The following LRRC57 variants were observed in gnomAD, a reference collection of about 807,000 sequenced individuals.
LRRC57 encodes the protein leucine-rich repeat-containing protein 57.
LRRC57 carries 14 observed loss-of-function variants against 23.1 expected under a neutral mutation model. The observed-to-expected ratio is 0.61, with a 90% CI of 0.40 to 0.95. The LOEUF (loss-of-function observed/expected upper bound fraction) is 0.95. Among genes scored for constraint, LRRC57 ranks in the 40% least tolerant of loss-of-function variants. The pLI is 0.00. For synonymous variants in LRRC57, 106 were observed against 115.2 expected (o/e 0.92, Z 0.51); for missense variants, 236 against 284.4 (o/e 0.83, Z 1.22).
chr15:42,544,623 G>C (rs1299832581), intron 5 of LRRC57, among the ~76,000 whole-genome samples: 1 of 151,886 alleles, frequency 6.6e-6, no homozygotes, highest in Non-Finnish European at 1.5e-5. Context: ...AGGAGTTTGA[G>C]ACCAGCTTGG....
downstream of LRRC57, among the ~76,000 whole-genome samples, chr15:42,537,598 T>C (rs978541264): frequency 1.1e-4 from 16 of 152,212 alleles, no homozygotes; most frequent in Admixed American, 8.5e-4. Context: ...CCCATGGTTA[T>C]TGCAGCACTA....
intron 4 of LRRC57, among the ~76,000 whole-genome samples, chr15:42,545,653 T>G (rs1595539526): frequency 6.6e-6 from 1 of 152,186 alleles, no homozygotes; most frequent in South Asian, 2.1e-4. Context: ...TATGTGTACA[T>G]AGATACTGAC....
intron 5 of LRRC57, among the ~76,000 whole-genome samples, chr15:42,544,841 A>AAT (rs767685010): frequency 1.6e-4 from 17 of 106,642 alleles, no homozygotes; most frequent in African/African-American, 8.2e-4. Flanking sequence ...ACACACACAC[A>AAT]CTATATATAT....
chr15:42,539,477 C>CAAAAAAAAAAAAAAAAAAAAA lies in LRRC57; in HGVS notation c.*4585_*4605dup, dbSNP rs1164646488. 1 of 43,662 alleles carries CAAAAAAAAAAAAAAAAAAAAA rather than the reference C, an allele frequency of 2.3e-5. No individual in the cohort carries two copies. The allele number at this position is 43,662 out of a possible 1,614,324, so 2.7% of individuals were successfully genotyped here. ...TGGGCGAAACAGACAGCCTCTGTCTCAAAAAAAAAAAAAAAAAAAAAGAGA... is the reference window on the plus strand; with the variant it reads ...TGGGCGAAACAGACAGCCTCTGTCTCAAAAAAAAAAAAAAAAAAAAAAAAAAAAAAAAAAAAAAAAAAGAGA... On this transcript the variant is annotated 3_prime_UTR_variant, in exon 6 of 6. Coordinates refer to ENST00000397130, the MANE Select transcript of LRRC57 (RefSeq NM_153260.3).
rs1357857741 is a variant in LRRC57, at chr15:42,545,058, G to A, written c.678+19C>T. 6.5e-7 allele frequency: 1 copy of A among 1,541,720 alleles called. No homozygotes were observed. Among genetic ancestry groups the A allele is most frequent in the East Asian group, 2.3e-5 (1 of 42,948 alleles). On this transcript the variant is annotated intron_variant, in intron 5 of 5. Coordinates refer to ENST00000397130, the MANE Select transcript of LRRC57 (RefSeq NM_153260.3). ...CTCTGGGGTAGTGACTAGAAATGCAGAAGTACATTAATTCATACCTTATCA... is the reference window on the plus strand; with the variant it reads ...CTCTGGGGTAGTGACTAGAAATGCAAAAGTACATTAATTCATACCTTATCA...
rs1305170753 is a variant in LRRC57, at chr15:42,541,761, C to CT, written c.*2321dup. ...TCCTCTACCTTTGTACCTTCAGATT[C>CT]TTTTTTTTTTTTTTTTGAGATGGAG... is the stretch of plus-strand genomic sequence containing the variant. On this transcript the variant is annotated 3_prime_UTR_variant, in exon 6 of 6. Coordinates refer to ENST00000397130, the MANE Select transcript of LRRC57 (RefSeq NM_153260.3). 0.019 allele frequency: 2,641 copies of CT among 136,882 alleles called. 58 individuals are homozygous for CT. The highest frequency in any genetic ancestry group is 0.057 in the African/African-American group (2,130 of 37,512). The allele number at this position is 136,882 out of a possible 1,614,324, so 8.5% of individuals were successfully genotyped here. A position where few individuals can be genotyped will look rare whatever the true frequency, so the allele number is the denominator to read the frequency against.
At chr15:42,532,301 G>A in the LRRC57 span, 2 of 152,240 alleles carry the variant, frequency 1.3e-5, no homozygotes, top group African/African-American at 4.8e-5. Context: ...ATGTCAAGCT[G>A]GTCTTGGACT....
the LRRC57 span, chr15:42,531,682 C>A: frequency 4.6e-6 from 2 of 436,814 alleles, no homozygotes; most frequent in East Asian, 7.2e-5. Context: ...CTAGTATTTT[C>A]TTTCTCAATT....
rs370115315 is a variant in LRRC57, at chr15:42,547,279, G to A, written c.474C>T (p.Leu158=). Residue 158 remains leucine (L), a synonymous_variant, in exon 4 of 6, where the codon CTC becomes CTT. Coordinates refer to ENST00000397130, the MANE Select transcript of LRRC57 (RefSeq NM_153260.3). The part of the protein sequence containing the change: ...DSVGELQVIE[L]NLNQNQISQI... ...TCTAGACCTGATTCTGGTTGAGGTT[G>A]AGTTCGATGACTTGCAGCTCTCCCA... 1.9e-5 allele frequency: 31 copies of A among 1,614,004 alleles called. No homozygotes were observed. The highest frequency in any genetic ancestry group is 3.3e-5 in the Admixed American group (2 of 59,998).
chr15:42,531,053 TCA>T, the LRRC57 span, among the ~76,000 whole-genome samples: 2 of 152,190 alleles, frequency 1.3e-5, no homozygotes, highest in African/African-American at 2.4e-5. Flanking sequence ...TTCAGAGGAC[TCA>T]CACAAGGTCC....
At chr15:42,532,022 C>T in the LRRC57 span, 1 of 152,038 alleles carries the variant, frequency 6.6e-6, no homozygotes, top group Non-Finnish European at 1.5e-5. Context: ...AGCTTTTATA[C>T]ACAACGTTTT....
At position 42,548,791 on chromosome 15, in the gene LRRC57, T is replaced by G. The variant is rs923729877; in HGVS notation, c.-121A>C. Reference sequence around the variant, plus strand: ...GGCTTAGTCCCGGGCGGGAACGCCCTGTGACGTCATCGAGCCGCGCCGTGC... The same window carrying G: ...GGCTTAGTCCCGGGCGGGAACGCCCGGTGACGTCATCGAGCCGCGCCGTGC... On this transcript the variant is annotated 5_prime_UTR_variant, in exon 1 of 6. Coordinates refer to ENST00000397130, the MANE Select transcript of LRRC57 (RefSeq NM_153260.3). 28 of 1,066,704 alleles carry G rather than the reference T, an allele frequency of 2.6e-5. No homozygotes were observed. The African/African-American group carries it at 3.8e-4, about 14-fold the overall frequency. The allele number at this position is 1,066,704 out of a possible 1,614,324, so 66.1% of individuals were successfully genotyped here.
chr15:42,547,224 C>G, intron 4 of LRRC57, 37 bp downstream of exon 4: 1 of 1,600,244 alleles, frequency 6.2e-7, no homozygotes, highest in South Asian at 1.1e-5. Context: ...TAAAGCCACA[C>G]ATATGCTGTA....
At position 42,538,714 on chromosome 15, in the gene LRRC57, T is replaced by C. The variant is rs767578290; in HGVS notation, c.*5369A>G. 1 of 152,242 alleles carries C rather than the reference T, an allele frequency of 6.6e-6. No individual in the cohort carries two copies. Among genetic ancestry groups the C allele is most frequent in the Non-Finnish European group, 1.5e-5 (1 of 68,046 alleles). 9.4% of individuals were successfully genotyped at this position (152,242 alleles called of 1,614,324 possible). A position where few individuals can be genotyped will look rare whatever the true frequency, so the allele number is the denominator to read the frequency against. On this transcript the variant is annotated 3_prime_UTR_variant, in exon 6 of 6. Transcript: ENST00000397130. Reference sequence around the variant, plus strand: ...ACTATGCTAAGTGCTTTTATATAGTTTTTTGCAACATACCTGAGAGGTAGG... The same window carrying C: ...ACTATGCTAAGTGCTTTTATATAGTCTTTTGCAACATACCTGAGAGGTAGG...
chr15:42,546,365 C>T (rs2057658220), intron 4 of LRRC57, among the ~76,000 whole-genome samples: 1 of 152,048 alleles, frequency 6.6e-6, no homozygotes. Context: ...GGAGCAAATC[C>T]TCAACTAATA....
Position 42,545,059 on chromosome 15 carries a change from A to T in LRRC57, c.678+18T>A. 1.3e-6 allele frequency: 2 copies of T among 1,544,686 alleles called. No homozygotes were observed. The highest frequency in any genetic ancestry group is 1.2e-5 in the South Asian group (1 of 82,470). ...TCTGGGGTAGTGACTAGAAATGCAG[A>T]AGTACATTAATTCATACCTTATCAT... On this transcript the variant is annotated intron_variant, in intron 5 of 5. Transcript: ENST00000397130.
chr15:42,532,978 T>C (rs2057580478), downstream of LRRC57: 1 of 152,738 alleles, frequency 6.5e-6, no homozygotes, highest in South Asian at 2.1e-4. Context: ...AATTAGCATC[T>C]GAACACTTCA....
the LRRC57 span, among the ~76,000 whole-genome samples, chr15:42,529,415 C>A: frequency 6.6e-6 from 1 of 152,146 alleles, no homozygotes; most frequent in East Asian, 1.9e-4. Flanking sequence ...AACAGCTTCC[C>A]AGGTGATGCT....
downstream of LRRC57, among the ~76,000 whole-genome samples, chr15:42,534,060 A>G (rs917213353): frequency 6.6e-6 from 1 of 152,140 alleles, no homozygotes; most frequent in African/African-American, 2.4e-5. Context: ...CCACATCTGT[A>G]CTAAACATAC....
Sources: gnomAD v4.1 joint callset for allele counts (sites outside exome capture counted in the v4.1 genomes callset) on GRCh38, gnomAD v4.1.1 for gene constraint, MANE v1.5 for transcripts, NCBI Gene and HGNC (gene_info 2026-07-23, HGNC 2026-07-21) for gene names.